The following NFILZ variants were observed in gnomAD, a reference collection of about 807,000 sequenced individuals.
NFILZ encodes NFIL3 like basic leucine zipper, also known as NFIL3 like protein.
At chr19:8,667,642 G>A (rs2043068411) in intron 3 of NFILZ, among the ~76,000 whole-genome samples, 3 of 152,006 alleles carry the variant, frequency 2.0e-5, no homozygotes, top group African/African-American at 7.3e-5. Flanking sequence ...CCGCCTCTCG[G>A]GTTCAAGTGA....
chr19:8,650,524 C>T (rs962646904), intron 3 of NFILZ, among the ~76,000 whole-genome samples: 1 of 151,416 alleles, frequency 6.6e-6, no homozygotes, highest in African/African-American at 2.4e-5. Flanking sequence ...CGTGGTGGCA[C>T]GCGCCTGTAA....
At chr19:8,641,242 G>T (rs1406725462) in intron 3 of NFILZ, among the ~76,000 whole-genome samples, 2 of 151,744 alleles carry the variant, frequency 1.3e-5, no homozygotes, top group South Asian at 2.1e-4. Context: ...TGTAGAGATG[G>T]GGTCTCCTTA....
intron 3 of NFILZ, among the ~76,000 whole-genome samples, chr19:8,637,138 G>A (rs1555746181): frequency 6.6e-6 from 1 of 152,136 alleles, no homozygotes; most frequent in African/African-American, 2.4e-5. Flanking sequence ...AAGAGGCCAA[G>A]GCAGAAGGAT....
At chr19:8,672,334 CA>C (rs1328968584) in intron 3 of NFILZ, among the ~76,000 whole-genome samples, 1 of 151,232 alleles carries the variant, frequency 6.6e-6, no homozygotes, top group Non-Finnish European at 1.5e-5. Context: ...TTTGTTCATT[CA>C]AAAAAACCAC....
At chr19:8,636,724 T>G (rs1568417035) in intron 3 of NFILZ, among the ~76,000 whole-genome samples, 1 of 152,022 alleles carries the variant, frequency 6.6e-6, no homozygotes, top group Non-Finnish European at 1.5e-5. Flanking sequence ...CCCAAAGTGC[T>G]GGGATTACAG....
At chr19:8,663,748 G>GTATGTGTGTGTA (rs1227521950) in intron 3 of NFILZ, among the ~76,000 whole-genome samples, 33 of 139,456 alleles carry the variant, frequency 2.4e-4, no homozygotes, top group Admixed American at 5.0e-4. Context: ...GTGTGTGTGT[G>GTATGTGTGTGTA]TGTGTGTGTG....
At chr19:8,648,913 T>G (rs2146145649) in intron 3 of NFILZ, among the ~76,000 whole-genome samples, 1 of 152,164 alleles carries the variant, frequency 6.6e-6, no homozygotes, top group East Asian at 1.9e-4. Flanking sequence ...AGCCCCTATC[T>G]TTTCTTTCAA....
In NFILZ at chr19:8,663,748, G is replaced by GTGTATGTGTGTGTATGTGTGTA. The variant is rs1568423380; in HGVS notation, c.-163-10800_-163-10799insATGTGTGTGTATGTGTGTATGT. On this transcript the variant is annotated intron_variant, in intron 3 of 5. Coordinates refer to ENST00000691075, the MANE Select transcript of NFILZ (RefSeq NM_001378600.1). ...TGTGTGTGTGTGTGTGTGTGTGTGT[G>GTGTATGTGTGTGTATGTGTGTA]TGTGTGTGTGTGTGTGTGTGTGTAT... Among the ~76,000 whole-genome samples, 22 of 139,480 alleles carry GTGTATGTGTGTGTATGTGTGTA rather than the reference G, an allele frequency of 1.6e-4. 1 individual carries two copies. Among genetic ancestry groups the GTGTATGTGTGTGTATGTGTGTA allele is most frequent in the South Asian group, 2.3e-4 (1 of 4,314 alleles). 91.5% of individuals were successfully genotyped at this position (139,480 alleles called of 152,430 possible).
rs999499415 is a variant in NFILZ, at chr19:8,652,875, T to C, written c.-164+17129T>C. 2.0e-5 allele frequency among the ~76,000 whole-genome samples: 3 copies of C among 150,028 alleles called. No homozygotes were observed. In the East Asian group the frequency reaches 5.9e-4, roughly 29 times the overall value. On this transcript the variant is annotated intron_variant, in intron 3 of 5. Coordinates refer to ENST00000691075, the MANE Select transcript of NFILZ (RefSeq NM_001378600.1). ...CCTTTTCTTTCTTTTCTTACTTTCTTCCCCCTCCTTCCTTCCTTTCTTTCC... is the reference window on the plus strand; with the variant it reads ...CCTTTTCTTTCTTTTCTTACTTTCTCCCCCCTCCTTCCTTCCTTTCTTTCC...
Position 8,647,786 on chromosome 19 carries a change from C to T in NFILZ, c.-164+12040C>T, listed in dbSNP as rs1247246660. 9.1e-4 allele frequency among the ~76,000 whole-genome samples: 93 copies of T among 102,664 alleles called. 1 individual carries two copies. Among genetic ancestry groups the T allele is most frequent in the African/African-American group, 3.4e-3 (77 of 22,518 alleles). 67.4% of individuals were successfully genotyped at this position (102,664 alleles called of 152,430 possible). A position where few individuals can be genotyped will look rare whatever the true frequency, so the allele number is the denominator to read the frequency against. ...ACACACACACGCACACATGCGCGCG[C>T]GCGCGCGCGCACACACACACACACA... On this transcript the variant is annotated intron_variant, in intron 3 of 5. Transcript: ENST00000691075.
At chr19:8,649,572 A>G (rs1201197527) in intron 3 of NFILZ, among the ~76,000 whole-genome samples, 1 of 151,868 alleles carries the variant, frequency 6.6e-6, no homozygotes, top group Non-Finnish European at 1.5e-5. Context: ...CGGCATAATT[A>G]AGCATTTTCA....
In NFILZ at chr19:8,679,012, TG is replaced by T. The variant is rs764003086; in HGVS notation, c.*1378del. Among the ~76,000 whole-genome samples the T allele has an allele frequency of 6.6e-6, 1 of 152,038 alleles. No individual in the cohort carries two copies. Among genetic ancestry groups the T allele is most frequent in the Non-Finnish European group, 1.5e-5 (1 of 67,994 alleles). ...CCTTCTTGGTGTCCCCTGGGGGGCT[TG>T]CTTACCACCCAGTTTGAGGGGCAGA... On this transcript the variant is annotated 3_prime_UTR_variant, in exon 6 of 6. Coordinates refer to ENST00000691075, the MANE Select transcript of NFILZ (RefSeq NM_001378600.1).
Position 8,647,748 on chromosome 19 carries a change from A to AACACACACACACACACAC in NFILZ, c.-164+12007_-164+12024dup, listed in dbSNP as rs138740763. 4.7e-4 allele frequency among the ~76,000 whole-genome samples: 65 copies of AACACACACACACACACAC among 137,236 alleles called. 1 individual carries two copies. The highest frequency in any genetic ancestry group is 5.5e-4 in the Non-Finnish European group (35 of 63,342). The allele number at this position is 137,236 out of a possible 152,430, so 90.0% of individuals were successfully genotyped here. ...AACACATGGACACAGGGAGGGGAAC[A>AACACACACACACACACAC]ACACACACACACACACACACACGCA... On this transcript the variant is annotated intron_variant, in intron 3 of 5. Transcript: ENST00000691075.
intron 5 of NFILZ, 22 bp from the exon 6 acceptor site, chr19:8,676,729 A>G (rs2043111653): frequency 6.6e-6 from 1 of 152,444 alleles, no homozygotes; most frequent in South Asian, 2.1e-4. Context: ...CATTACTCCA[A>G]GAACTCTTTC....
intron 1 of NFILZ, among the ~76,000 whole-genome samples, chr19:8,631,830 T>TG (rs1555745588): frequency 6.9e-6 from 1 of 145,898 alleles, no homozygotes; most frequent in South Asian, 2.2e-4. Flanking sequence ...GTCCTCGCTT[T>TG]TGTGTGTGTG....
rs954015242 is a variant in NFILZ at position 8,650,229 on chromosome 19, G to A, written c.-164+14483G>A. On this transcript the variant is annotated intron_variant, in intron 3 of 5. Transcript: ENST00000691075. ...TGAAATAGTTTAAGACTTACAAGAA[G>A]CTGCAAAAATAGCACAGAGCTCTCA... Among the ~76,000 whole-genome samples the A allele has an allele frequency of 1.6e-4, 24 of 152,022 alleles. 1 individual carries two copies. Among genetic ancestry groups the A allele is most frequent in the Admixed American group, 1.6e-3 (24 of 15,234 alleles).
At chr19:8,671,497 C>T (rs544394209) in intron 3 of NFILZ, among the ~76,000 whole-genome samples, 15 of 152,174 alleles carry the variant, frequency 9.9e-5, no homozygotes, top group African/African-American at 3.1e-4. Context: ...GTGGTGTGGC[C>T]TGAGAGCTGA....
chr19:8,647,778 T>TGCGC (rs147345694), intron 3 of NFILZ, among the ~76,000 whole-genome samples: 10 of 106,656 alleles, frequency 9.4e-5, no homozygotes, highest in South Asian at 7.6e-4. Context: ...CACGCACACA[T>TGCGC]GCGCGCGCGC....
At chr19:8,670,245 G>T (rs2043080470) in intron 3 of NFILZ, among the ~76,000 whole-genome samples, 1 of 152,050 alleles carries the variant, frequency 6.6e-6, no homozygotes. Context: ...GGGACTACAG[G>T]TAGAAACCAC....
Sources: gnomAD v4.1 joint callset for allele counts (sites outside exome capture counted in the v4.1 genomes callset) on GRCh38, gnomAD v4.1.1 for gene constraint, MANE v1.5 for transcripts, NCBI Gene and HGNC (gene_info 2026-07-23, HGNC 2026-07-21) for gene names.